The following TRIP10 variants were observed in gnomAD, a reference collection of about 807,000 sequenced individuals.
The protein encoded by TRIP10 is cdc42-interacting protein 4.
A neutral mutation model predicts 80.9 loss-of-function variants in TRIP10; 54 were observed. The ratio of observed to expected loss-of-function variants is 0.67; its 90% CI spans 0.54 to 0.84. TRIP10 has a LOEUF of 0.84. Among genes scored for constraint, TRIP10 ranks in the 40% least tolerant of loss-of-function variants. The pLI is 0.00. For synonymous variants in TRIP10, 321 were observed against 307.2 expected (o/e 1.04, Z -0.47); for missense variants, 773 against 815.3 (o/e 0.95, Z 0.63).
rs544643250 is a variant in TRIP10, at chr19:6,745,488, C to T, written c.984+494C>T. 164 of 839,784 alleles carry T rather than the reference C, an allele frequency of 2.0e-4. 1 individual carries two copies. Among genetic ancestry groups the T allele is most frequent in the South Asian group, 1.2e-3 (22 of 18,252 alleles). 52.0% of individuals were successfully genotyped at this position (839,784 alleles called of 1,614,324 possible). A position where few individuals can be genotyped will look rare whatever the true frequency, so the allele number is the denominator to read the frequency against. On this transcript the variant is annotated intron_variant, in intron 9 of 14. Coordinates refer to ENST00000313244, the MANE Select transcript of TRIP10 (RefSeq NM_001288962.2). This position sits in a 1 kb window ranked among gnomAD's most constrained non-coding sequence, Gnocchi z 7.2. ...TCCTTGACTTAACACCTGTGATCCCCGAGCTTAAACTTCTGATGCCCCTAA... is the reference window on the plus strand; with the variant it reads ...TCCTTGACTTAACACCTGTGATCCCTGAGCTTAAACTTCTGATGCCCCTAA...
intron 12 of TRIP10, 42 bp from the exon 13 acceptor site, chr19:6,750,250 G>A (rs370888466): frequency 1.2e-5 from 19 of 1,609,518 alleles, no homozygotes; most frequent in African/African-American, 2.7e-5. Context: ...GGCTGACCCC[G>A]GAGCTCTGCC....
At position 6,744,253 on chromosome 19, in the gene TRIP10, C is replaced by T. The variant is rs564158052; in HGVS notation, c.643-301C>T. Among the ~76,000 whole-genome samples, 2 of 152,322 alleles carry T rather than the reference C, an allele frequency of 1.3e-5. No homozygotes were observed. Among genetic ancestry groups the T allele is most frequent in the South Asian group, 2.1e-4 (1 of 4,828 alleles). On this transcript the variant is annotated intron_variant, in intron 7 of 14. Transcript: ENST00000313244. The surrounding 1 kb of genome is among the most constrained non-coding windows in gnomAD (Gnocchi z 4.9). ...CTAGCGCTCCACTCTCTGTCCCATC[C>T]GTGGCCCTGGGAGTATCAGGGCTGG...
In TRIP10 at chr19:6,739,738, T is replaced by TGCG. The variant is rs753346859; in HGVS notation, c.-10_-8dup. 1.2e-4 allele frequency: 157 copies of TGCG among 1,348,850 alleles called. No homozygotes were observed. The highest frequency in any genetic ancestry group is 6.8e-4 in the African/African-American group (45 of 65,770). 83.6% of individuals were successfully genotyped at this position (1,348,850 alleles called of 1,614,324 possible). On this transcript the variant is annotated 5_prime_UTR_variant, in exon 1 of 15. Transcript: ENST00000313244. ...GGCGGGGACCGGGTGCGGTGGTGGC[T>TGCG]GCGGCGGCGGCGGCGGGAGCAGCAT... is the stretch of plus-strand genomic sequence containing the variant.
At position 6,745,795 on chromosome 19, in the gene TRIP10, T is replaced by C; in HGVS notation, c.985-234T>C. 1 of 985,360 alleles carries C rather than the reference T, an allele frequency of 1.0e-6. No homozygotes were observed. Among genetic ancestry groups the C allele is most frequent in the Non-Finnish European group, 1.2e-6 (1 of 829,924 alleles). The allele number at this position is 985,360 out of a possible 1,614,324, so 61.0% of individuals were successfully genotyped here. On this transcript the variant is annotated intron_variant, in intron 9 of 14. Coordinates refer to ENST00000313244, the MANE Select transcript of TRIP10 (RefSeq NM_001288962.2). The surrounding 1 kb of genome is among the most constrained non-coding windows in gnomAD (Gnocchi z 7.2). ...CAGTTCAACATCCTCCCCGCCACCT[T>C]CCAGATTTTTTTGTGTCGCTCCTGC...
At chr19:6,740,554 G>C (rs898656766) in intron 1 of TRIP10, 3 of 168,762 alleles carry the variant, frequency 1.8e-5, no homozygotes, top group African/African-American at 7.2e-5. Context: ...GTCACCCATC[G>C]GGGGATCCCT....
chr19:6,750,002 A>G lies in TRIP10; in HGVS notation c.1331A>G (p.Glu444Gly), dbSNP rs1255149019. ...CAGATGGGGGACCCCGCCAGCTTGG[A>G]GCCCCAGATCGCTGAAACCCTGAGC... ...TPQMGDPASL[E>G]PQIAETLSNI... Residue 444 changes from glutamate to glycine, a missense_variant, in exon 12 of 15, where the codon GAG becomes GGG. By Grantham distance (98) the Glu-to-Gly change is moderately conservative. Transcript: ENST00000313244. The G allele has an allele frequency of 6.2e-7, 1 of 1,614,100 alleles. No individual in the cohort carries two copies. Among genetic ancestry groups the G allele is most frequent in the Middle Eastern group, 1.6e-4 (1 of 6,062 alleles).
chr19:6,746,582 A>G lies in TRIP10; in HGVS notation c.1262+21A>G, dbSNP rs57513281. On this transcript the variant is annotated intron_variant, in intron 11 of 14. Coordinates refer to ENST00000313244, the MANE Select transcript of TRIP10 (RefSeq NM_001288962.2). This position sits in a 1 kb window ranked among gnomAD's most constrained non-coding sequence, Gnocchi z 6.2. ...CAGAGGTAAGGTGGTGGGGTAGGGA[A>G]GGACAGGCAAGGAACATGATAAAAT... 1.9e-3 allele frequency: 3,001 copies of G among 1,561,134 alleles called. 45 individuals carry two copies. In the African/African-American group the frequency reaches 0.034, roughly 18 times the overall value.
rs2145543271 is a variant in TRIP10 at position 6,745,218 on chromosome 19, T to G, written c.984+224T>G. 1.7e-6 allele frequency: 1 copy of G among 597,082 alleles called. No individual in the cohort carries two copies. The highest frequency in any genetic ancestry group is 2.8e-6 in the Non-Finnish European group (1 of 356,098). The allele number at this position is 597,082 out of a possible 1,614,324, so 37.0% of individuals were successfully genotyped here. ...GGGGAGGTGGGGAGGTCCGTGGCGT[T>G]TGTCTGCTGCTTCTCGGGATGCTGG... On this transcript the variant is annotated intron_variant, in intron 9 of 14. Coordinates refer to ENST00000313244, the MANE Select transcript of TRIP10 (RefSeq NM_001288962.2). The surrounding 1 kb of genome is among the most constrained non-coding windows in gnomAD (Gnocchi z 7.2).
Position 6,750,069 on chromosome 19 carries a change from C to T in TRIP10, c.1395+3C>T, listed in dbSNP as rs1358664777. On this transcript the variant is annotated splice_donor_region_variant and intron_variant, in intron 12 of 14. Coordinates refer to ENST00000313244, the MANE Select transcript of TRIP10 (RefSeq NM_001288962.2). ...AATTGGAAGTGCAGAAGTATGAGGT[C>T]AGGAAAGACCCTGGGGAGGGGCGGG... The T allele has an allele frequency of 2.5e-6, 4 of 1,593,890 alleles. No homozygotes were observed. The highest frequency in any genetic ancestry group is 1.5e-5 in the African/African-American group (1 of 68,068).
chr19:6,740,391 C>T (rs1056863908), intron 1 of TRIP10, among the ~76,000 whole-genome samples: 2 of 152,194 alleles, frequency 1.3e-5, no homozygotes, highest in Non-Finnish European at 2.9e-5. Context: ...CCAGAAATTT[C>T]CCCCTATCCT....
chr19:6,745,188 A>T lies in TRIP10; in HGVS notation c.984+194A>T. Reference sequence around the variant, plus strand: ...AGTCCCCCGAGGCGAAGGCGGGGGCAGGGTGGGGAGGTGGGGAGGTCCGTG... The same window carrying T: ...AGTCCCCCGAGGCGAAGGCGGGGGCTGGGTGGGGAGGTGGGGAGGTCCGTG... On this transcript the variant is annotated intron_variant, in intron 9 of 14. Coordinates refer to ENST00000313244, the MANE Select transcript of TRIP10 (RefSeq NM_001288962.2). This position sits in a 1 kb window ranked among gnomAD's most constrained non-coding sequence, Gnocchi z 7.2. 9.6e-6 allele frequency: 7 copies of T among 727,810 alleles called. No individual in the cohort carries two copies. The highest frequency in any genetic ancestry group is 1.5e-5 in the Non-Finnish European group (7 of 466,108). 45.1% of individuals were successfully genotyped at this position (727,810 alleles called of 1,614,324 possible).
At chr19:6,749,798 C>A (rs1353565941) in intron 11 of TRIP10, 136 bp from the exon 12 acceptor site, 11 of 1,267,226 alleles carry the variant, frequency 8.7e-6, no homozygotes, top group Non-Finnish European at 1.2e-5. Flanking sequence ...TTGCAGTGAG[C>A]CATGATTGCA....
chr19:6,740,138 C>A lies in TRIP10; in HGVS notation c.24+353C>A, dbSNP rs572621221. 7.2e-5 allele frequency among the ~76,000 whole-genome samples: 11 copies of A among 152,320 alleles called. No individual in the cohort carries two copies. In the East Asian group the frequency reaches 1.9e-3, roughly 27 times the overall value. ...GGCCCCTGGGTCCCTGCCCGTCGTCCGCCTGTCCGGCTAGGAGGGGGGAGG... is the reference window on the plus strand; with the variant it reads ...GGCCCCTGGGTCCCTGCCCGTCGTCAGCCTGTCCGGCTAGGAGGGGGGAGG... On this transcript the variant is annotated intron_variant, in intron 1 of 14. Transcript: ENST00000313244.
In TRIP10 at chr19:6,745,126, C is replaced by G; in HGVS notation, c.984+132C>G. On this transcript the variant is annotated intron_variant, in intron 9 of 14. Coordinates refer to ENST00000313244, the MANE Select transcript of TRIP10 (RefSeq NM_001288962.2). This position sits in a 1 kb window ranked among gnomAD's most constrained non-coding sequence, Gnocchi z 7.2. ...GGAATTTTCCTCTTGGCTGCCAGCC[C>G]GGACTGGAGGGAAGGAAGGCGGCCG... is the stretch of plus-strand genomic sequence containing the variant. 3 of 1,277,252 alleles carry G rather than the reference C, an allele frequency of 2.3e-6. No homozygotes were observed. Among genetic ancestry groups the G allele is most frequent in the Non-Finnish European group, 3.1e-6 (3 of 964,064 alleles). The allele number at this position is 1,277,252 out of a possible 1,614,324, so 79.1% of individuals were successfully genotyped here. A position where few individuals can be genotyped will look rare whatever the true frequency, so the allele number is the denominator to read the frequency against.
chr19:6,745,763 G>C lies in TRIP10; in HGVS notation c.985-266G>C. The C allele has an allele frequency of 1.0e-6, 1 of 985,108 alleles. No homozygotes were observed. Among genetic ancestry groups the C allele is most frequent in the Non-Finnish European group, 1.2e-6 (1 of 829,890 alleles). The allele number at this position is 985,108 out of a possible 1,614,324, so 61.0% of individuals were successfully genotyped here. On this transcript the variant is annotated intron_variant, in intron 9 of 14. Transcript: ENST00000313244. The surrounding 1 kb of genome is among the most constrained non-coding windows in gnomAD (Gnocchi z 7.2). ...CGGGGGAGTGAGAGTTCTGGCTTTC[G>C]GGCTTACAGTTCAACATCCTCCCCG...
In TRIP10 at chr19:6,750,294, G is replaced by A. The variant is rs1568256655; in HGVS notation, c.1398G>A (p.Ala466=). 1.2e-5 allele frequency: 19 copies of A among 1,614,002 alleles called. No homozygotes were observed. Among genetic ancestry groups the A allele is most frequent in the Middle Eastern group, 1.6e-4 (1 of 6,062 alleles). ...ATTTTCCTGTCCCCTCCTCCCAGGC[G>A]TGGCTGGCAGAAGCTGAAAGTCGAG... ...RLKLEVQKYE[A]WLAEAESRVL... Residue 466 remains alanine, a splice_region_variant and synonymous_variant, in exon 13 of 15, where the codon GCG becomes GCA. Transcript: ENST00000313244.
At chr19:6,743,887 A>C in intron 7 of TRIP10, 51 bp downstream of exon 7, 2 of 1,605,220 alleles carry the variant, frequency 1.2e-6, no homozygotes, top group Non-Finnish European at 1.7e-6. Flanking sequence ...TCCAAATGTT[A>C]GCCAACTCCT....
rs1328987219 is a variant in TRIP10, at chr19:6,739,924, C to G, written c.24+139C>G. On this transcript the variant is annotated intron_variant, in intron 1 of 14. Coordinates refer to ENST00000313244, the MANE Select transcript of TRIP10 (RefSeq NM_001288962.2). ...GGGTCCCCGCCCTCCACCCTCCGCT[C>G]TCTCTCGAAGTTTATCTGGGAGTCT... The G allele has an allele frequency of 5.6e-6, 6 of 1,066,776 alleles. No homozygotes were observed. In the East Asian group the frequency reaches 9.8e-5, roughly 17 times the overall value. The allele number at this position is 1,066,776 out of a possible 1,614,324, so 66.1% of individuals were successfully genotyped here.
rs146733712 is a variant in TRIP10 at position 6,750,048 on chromosome 19, G to C, written c.1377G>C (p.Leu459Phe). Reference sequence around the variant, plus strand: ...TGAGCAACATTGAACGGCTGAAATTGGAAGTGCAGAAGTATGAGGTCAGGA... The same window carrying C: ...TGAGCAACATTGAACGGCTGAAATTCGAAGTGCAGAAGTATGAGGTCAGGA... Reference protein sequence around the residue: ...ETLSNIERLKLEVQKYEAWLA... With the variant: ...ETLSNIERLKFEVQKYEAWLA... Residue 459 changes from leucine (L) to phenylalanine (F), a missense_variant, in exon 12 of 15, where the codon TTG becomes TTC. Transcript: ENST00000313244. 75 of 1,613,138 alleles carry C rather than the reference G, an allele frequency of 4.6e-5. No individual in the cohort carries two copies. The highest frequency in any genetic ancestry group is 1.7e-4 in the Admixed American group (10 of 59,944).
Sources: gnomAD v4.1 joint callset for allele counts (sites outside exome capture counted in the v4.1 genomes callset) on GRCh38, gnomAD v4.1.1 for gene constraint, Gnocchi (gnomAD v3.1) non-coding constraint, MANE v1.5 for transcripts, NCBI Gene and HGNC (gene_info 2026-07-23, HGNC 2026-07-21) for gene names.